The following MYOCD variants were observed in gnomAD, a reference collection of about 807,000 sequenced individuals.
MYOCD encodes myocardin.
MYOCD carries 32 observed loss-of-function variants against 96.1 expected under a neutral mutation model. That is an observed-to-expected ratio of 0.33 (90% CI 0.25 to 0.45). The LOEUF (loss-of-function observed/expected upper bound fraction) is 0.45. MYOCD is among the 20% of genes least tolerant of loss of function. The pLI is 1.00. For missense variants in MYOCD, 1,133 were observed against 1,200.6 expected (o/e 0.94, Z 0.83); for synonymous variants, 469 against 469.0 (o/e 1.00, Z 0.00).
chr17:12,711,060 C>T (rs982600123), intron 2 of MYOCD, among the ~76,000 whole-genome samples: 11 of 152,164 alleles, frequency 7.2e-5, no homozygotes, highest in Admixed American at 3.3e-4. Context: ...TGGGAAAATG[C>T]ACTGTTTTCA....
intron 5 of MYOCD, among the ~76,000 whole-genome samples, chr17:12,734,800 T>A (rs915173385): frequency 7.2e-5 from 11 of 152,144 alleles, no homozygotes; most frequent in Admixed American, 2.6e-4. Flanking sequence ...TGAGCCACCG[T>A]GCCCAGCCAC....
intron 1 of MYOCD, among the ~76,000 whole-genome samples, chr17:12,684,673 C>T (rs1233040220): frequency 6.6e-6 from 1 of 151,840 alleles, no homozygotes; most frequent in African/African-American, 2.4e-5. Flanking sequence ...AGTGAAACCC[C>T]GTGTCTACTA....
chr17:12,683,054 G>A (rs756096127), intron 1 of MYOCD, among the ~76,000 whole-genome samples: 2 of 152,134 alleles, frequency 1.3e-5, no homozygotes, highest in African/African-American at 4.8e-5. Flanking sequence ...TGGAATTGGG[G>A]ATTTGAACAC....
At chr17:12,703,370 G>T (rs1295418297) in intron 1 of MYOCD, among the ~76,000 whole-genome samples, 1 of 151,902 alleles carries the variant, frequency 6.6e-6, no homozygotes, top group Non-Finnish European at 1.5e-5. Flanking sequence ...TGAGCCTTTT[G>T]AATCTGTACA....
At chr17:12,705,408 C>T (rs1203079680) in intron 2 of MYOCD, 3 of 442,740 alleles carry the variant, frequency 6.8e-6, no homozygotes, top group African/African-American at 4.0e-5. Context: ...CTGGTTATGC[C>T]TAAAATTCCA....
rs116641033 is a variant in MYOCD, at chr17:12,678,221, G to A, written c.55+11978G>A. Among the ~76,000 whole-genome samples, 814 of 151,894 alleles carry A rather than the reference G, an allele frequency of 5.4e-3. 11 individuals carry two copies. Among genetic ancestry groups the A allele is most frequent in the African/African-American group, 0.019 (772 of 41,438 alleles). On this transcript the variant is annotated intron_variant, in intron 1 of 13. Transcript: ENST00000425538. Reference sequence around the variant, plus strand: ...TTTCTTTTTACCCCAGATTGTGCTTGAGAGTTATGAAGATAATTATTGTCA... The same window carrying A: ...TTTCTTTTTACCCCAGATTGTGCTTAAGAGTTATGAAGATAATTATTGTCA...
At chr17:12,669,005 CAT>C (rs1298921824) in intron 1 of MYOCD, among the ~76,000 whole-genome samples, 1 of 152,148 alleles carries the variant, frequency 6.6e-6, no homozygotes, top group Non-Finnish European at 1.5e-5. Context: ...TCTGAAAACA[CAT>C]AAAGATTGAC....
chr17:12,746,194 A>G, intron 9 of MYOCD, 122 bp downstream of exon 9: 1 of 1,064,774 alleles, frequency 9.4e-7, no homozygotes, highest in Non-Finnish European at 1.3e-6. Flanking sequence ...ACTGTAGGAA[A>G]CACTGAAGGA....
At chr17:12,727,973 G>A (rs1251079933) in intron 5 of MYOCD, among the ~76,000 whole-genome samples, 1 of 152,162 alleles carries the variant, frequency 6.6e-6, no homozygotes, top group Non-Finnish European at 1.5e-5. Context: ...ATGACATTCT[G>A]TAGGGTAATA....
intron 1 of MYOCD, among the ~76,000 whole-genome samples, chr17:12,680,262 C>T (rs1156890280): frequency 6.6e-6 from 1 of 152,176 alleles, no homozygotes; most frequent in Non-Finnish European, 1.5e-5. Flanking sequence ...CACGGTTAAC[C>T]TCATTAATCT....
At chr17:12,678,622 G>A (rs913125447) in intron 1 of MYOCD, among the ~76,000 whole-genome samples, 4 of 152,040 alleles carry the variant, frequency 2.6e-5, no homozygotes, top group Non-Finnish European at 5.9e-5. Flanking sequence ...TTTCTTTGAT[G>A]TATTCAACTC....
Position 12,763,454 on chromosome 17 carries a change from A to G in MYOCD, c.2771A>G (p.Asn924Ser), listed in dbSNP as rs2033246327. 1.9e-6 allele frequency: 3 copies of G among 1,614,112 alleles called. No homozygotes were observed. The highest frequency in any genetic ancestry group is 1.7e-6 in the Non-Finnish European group (2 of 1,180,002). The change falls in exon 14 of 14, where the codon AAT becomes AGT. Residue 924 changes from asparagine to serine, a missense_variant. Coordinates refer to ENST00000425538, the MANE Select transcript of MYOCD (RefSeq NM_001146312.3). The stretch of plus-strand genomic sequence containing the variant: ...TTTTCACCCTCTTCTGTGGACAGCA[A>G]TGGGCTGCAGTTAAGCTTCACTGAA... ...TQFSPSSVDSNGLQLSFTESP... is the reference protein window; with the variant it reads ...TQFSPSSVDSSGLQLSFTESP...
intron 1 of MYOCD, among the ~76,000 whole-genome samples, chr17:12,675,306 T>C (rs1413608268): frequency 6.6e-6 from 1 of 152,144 alleles, no homozygotes; most frequent in African/African-American, 2.4e-5. Flanking sequence ...TACTGTAAAG[T>C]CTTAACAGAT....
intron 1 of MYOCD, among the ~76,000 whole-genome samples, chr17:12,689,914 T>C (rs2150653997): frequency 6.6e-6 from 1 of 152,276 alleles, no homozygotes; most frequent in African/African-American, 2.4e-5. Context: ...AAAAGTTAAA[T>C]GCAAATGTAA....
At chr17:12,715,705 C>T in intron 3 of MYOCD, 131 bp downstream of exon 3, 1 of 600,390 alleles carries the variant, frequency 1.7e-6, no homozygotes. Flanking sequence ...GCCCTCATAT[C>T]ATGTGGAATC....
intron 9 of MYOCD, 107 bp downstream of exon 9, chr17:12,746,179 A>G (rs111569581): frequency 1.1e-5 from 14 of 1,220,870 alleles, no homozygotes; most frequent in African/African-American, 1.5e-5. Context: ...TGGGAGGGGA[A>G]GAAGACTGTA....
chr17:12,697,971 G>T (rs1241925265), intron 1 of MYOCD, among the ~76,000 whole-genome samples: 1 of 152,140 alleles, frequency 6.6e-6, no homozygotes, highest in Non-Finnish European at 1.5e-5. Flanking sequence ...AATTCCGTAT[G>T]CAGGGATATC....
intron 11 of MYOCD, among the ~76,000 whole-genome samples, chr17:12,757,004 A>G (rs1428528917): frequency 6.6e-6 from 1 of 152,166 alleles, no homozygotes; most frequent in Non-Finnish European, 1.5e-5. Context: ...AAATGGCCAT[A>G]TGTTTGCAAA....
intron 1 of MYOCD, among the ~76,000 whole-genome samples, chr17:12,694,510 T>C (rs1238447902): frequency 6.6e-6 from 1 of 152,100 alleles, no homozygotes; most frequent in Non-Finnish European, 1.5e-5. Flanking sequence ...AGGACTTAGC[T>C]CTCTGCCCAC....
Sources: allele counts gnomAD v4.1 joint callset (sites outside exome capture counted in the v4.1 genomes callset), GRCh38; gene constraint gnomAD v4.1.1; transcripts MANE v1.5; gene names NCBI Gene and HGNC (gene_info 2026-07-23, HGNC 2026-07-21).